The following PDE8A variants were observed in gnomAD, a reference collection of about 807,000 sequenced individuals.
The protein encoded by PDE8A is high affinity cAMP-specific and IBMX-insensitive 3',5'-cyclic phosphodiesterase 8A.
A neutral mutation model predicts 105.0 loss-of-function variants in PDE8A; 59 were observed. The ratio of observed to expected loss-of-function variants is 0.56; its 90% CI spans 0.46 to 0.70. PDE8A has a LOEUF of 0.70. Among genes scored for constraint, PDE8A ranks in the 30% least tolerant of loss-of-function variants. The pLI is 0.00. For missense variants in PDE8A, 1,014 were observed against 1,045.9 expected (o/e 0.97, Z 0.42); for synonymous variants, 355 against 371.9 (o/e 0.95, Z 0.52).
intron 1 of PDE8A, among the ~76,000 whole-genome samples, chr15:84,989,718 A>G (rs1264993447): frequency 6.6e-6 from 1 of 152,248 alleles, no homozygotes; most frequent in East Asian, 1.9e-4. Context: ...AAACTCCAAG[A>G]CACTATCGCA....
chr15:85,117,463 G>A (rs1179742177), intron 16 of PDE8A, among the ~76,000 whole-genome samples, 178 bp from the exon 17 acceptor site: 2 of 152,110 alleles, frequency 1.3e-5, no homozygotes, highest in African/African-American at 4.8e-5. Flanking sequence ...GTCCCCTGAG[G>A]GCAAGAAGTG....
Position 85,054,372 on chromosome 15 carries a change from C to T in PDE8A, c.187-9998C>T, listed in dbSNP as rs188043138. On this transcript the variant is annotated intron_variant, in intron 1 of 21. Transcript: ENST00000394553. ...GAGGATTCCCTCTTTTTCTATTGAT[C>T]GGAATAGTTTCAGAAGGAATGGTAC... Among the ~76,000 whole-genome samples the T allele has an allele frequency of 3.9e-3, 590 of 152,096 alleles. 3 individuals are homozygous for T. The highest frequency in any genetic ancestry group is 5.6e-3 in the East Asian group (29 of 5,174).
intron 1 of PDE8A, among the ~76,000 whole-genome samples, chr15:84,992,046 T>TA (rs1305243222): frequency 1.1e-4 from 17 of 152,240 alleles, no homozygotes; most frequent in African/African-American, 4.1e-4. Context: ...TGTTAAAACT[T>TA]ACCATAAAAT....
In PDE8A at chr15:85,136,567, G is replaced by C. The variant is rs768451736; in HGVS notation, c.2287G>C (p.Val763Leu). The part of the protein sequence containing the change: ...DEEKQQGLPV[V>L]MPVFDRNTCS... Reference sequence around the variant, plus strand: ...AGAGAAGCAGCAGGGCTTACCTGTGGTGATGCCAGTGTTTGACAGAAATAC... The same window carrying C: ...AGAGAAGCAGCAGGGCTTACCTGTGCTGATGCCAGTGTTTGACAGAAATAC... Residue 763 changes from valine (V) to leucine (L), a missense_variant, in exon 21 of 22, where the codon GTG (valine) becomes CTG (leucine). Coordinates refer to ENST00000394553, the MANE Select transcript of PDE8A (RefSeq NM_002605.3). 89 of 1,613,840 alleles carry C rather than the reference G, an allele frequency of 5.5e-5. No homozygotes were observed. Among genetic ancestry groups the C allele is most frequent in the Middle Eastern group, 3.3e-4 (2 of 6,024 alleles).
intron 19 of PDE8A, among the ~76,000 whole-genome samples, chr15:85,125,125 A>C (rs1019745838): frequency 6.6e-6 from 1 of 152,118 alleles, no homozygotes; most frequent in Non-Finnish European, 1.5e-5. Flanking sequence ...AGAGCTACTG[A>C]AGTGTCACCG....
intron 20 of PDE8A, among the ~76,000 whole-genome samples, chr15:85,128,052 CAAAAAAAAAAA>C (rs61221393): frequency 5.2e-5 from 3 of 57,250 alleles, no homozygotes; most frequent in African/African-American, 5.3e-5. Flanking sequence ...TATTCCTATG[CAAAAAAAAAAA>C]AAAAAAAAAA....
chr15:84,996,001 T>C (rs2079969631), intron 1 of PDE8A, among the ~76,000 whole-genome samples: 1 of 152,240 alleles, frequency 6.6e-6, no homozygotes, highest in African/African-American at 2.4e-5. Context: ...CATTTGAATG[T>C]CCTCTTCTGT....
chr15:85,078,885 A>G (rs1361775678), intron 5 of PDE8A, among the ~76,000 whole-genome samples: 1 of 152,236 alleles, frequency 6.6e-6, no homozygotes, highest in Non-Finnish European at 1.5e-5. Context: ...AACTAATCAT[A>G]TATCTAGCCA....
At chr15:85,032,091 T>C (rs894872507) in intron 1 of PDE8A, among the ~76,000 whole-genome samples, 4 of 152,240 alleles carry the variant, frequency 2.6e-5, no homozygotes, top group Non-Finnish European at 4.4e-5. Flanking sequence ...TTTCTCTCTT[T>C]ACTTCACAGC....
At chr15:85,043,543 C>G (rs2080842614) in intron 1 of PDE8A, among the ~76,000 whole-genome samples, 1 of 152,146 alleles carries the variant, frequency 6.6e-6, no homozygotes, top group Non-Finnish European at 1.5e-5. Context: ...TTAATTCTTA[C>G]TAGTTTTACT....
intron 1 of PDE8A, among the ~76,000 whole-genome samples, chr15:85,047,090 TA>T (rs2080898854): frequency 6.6e-6 from 1 of 152,230 alleles, no homozygotes; most frequent in African/African-American, 2.4e-5. Context: ...CTATATTGCT[TA>T]AAAATGTCAG....
intron 20 of PDE8A, among the ~76,000 whole-genome samples, chr15:85,128,315 A>G (rs1267958002): frequency 6.6e-6 from 1 of 152,142 alleles, no homozygotes; most frequent in Non-Finnish European, 1.5e-5. Context: ...GACCAGCCTC[A>G]GCAAGATAAT....
chr15:85,133,919 C>T (rs547816165), intron 20 of PDE8A, among the ~76,000 whole-genome samples: 4 of 152,188 alleles, frequency 2.6e-5, no homozygotes, highest in Admixed American at 6.5e-5. Flanking sequence ...TTGCCTGGCT[C>T]TGTGCCAGGT....
At chr15:85,088,025 C>G (rs529427514) in intron 6 of PDE8A, among the ~76,000 whole-genome samples, 1 of 152,218 alleles carries the variant, frequency 6.6e-6, no homozygotes, top group African/African-American at 2.4e-5. Context: ...GTGCTTCAGT[C>G]ATCACAATTT....
intron 20 of PDE8A, among the ~76,000 whole-genome samples, chr15:85,130,130 A>G (rs1478056778): frequency 1.3e-5 from 2 of 152,166 alleles, no homozygotes; most frequent in African/African-American, 4.8e-5. Flanking sequence ...GATGTATCAC[A>G]TGGCAGGAGA....
chr15:85,054,125 G>C (rs1008746133), intron 1 of PDE8A, among the ~76,000 whole-genome samples: 1 of 152,142 alleles, frequency 6.6e-6, no homozygotes, highest in African/African-American at 2.4e-5. Context: ...TACGTTTATT[G>C]GTTTTTGTAT....
chr15:85,053,449 G>A (rs1406927758), intron 1 of PDE8A, among the ~76,000 whole-genome samples: 1 of 152,100 alleles, frequency 6.6e-6, no homozygotes, highest in African/African-American at 2.4e-5. Flanking sequence ...CTTCCTATCT[G>A]TGAGCATGGA....
intron 1 of PDE8A, among the ~76,000 whole-genome samples, chr15:85,039,412 G>A (rs1474785645): frequency 6.6e-6 from 1 of 151,542 alleles, no homozygotes; most frequent in African/African-American, 2.4e-5. Context: ...CTGGGTGACA[G>A]AGTGAGATCT....
chr15:85,043,972 C>T (rs891697554), intron 1 of PDE8A, among the ~76,000 whole-genome samples: 1 of 152,190 alleles, frequency 6.6e-6, no homozygotes, highest in Non-Finnish European at 1.5e-5. Flanking sequence ...GCTGGGATTA[C>T]AGGCGTGAGG....
Sources: gnomAD v4.1 joint callset for allele counts (sites outside exome capture counted in the v4.1 genomes callset) on GRCh38, gnomAD v4.1.1 for gene constraint, MANE v1.5 for transcripts, NCBI Gene and HGNC (gene_info 2026-07-23, HGNC 2026-07-21) for gene names.